TARS1: variants seen among roughly 807,000 people sequenced by gnomAD.
The protein encoded by TARS1 is threonyl-tRNA synthetase 1.
In TARS1, 57 loss-of-function variants were observed where a neutral mutation model predicts 97.7. That is an observed-to-expected ratio of 0.58 (90% CI 0.47 to 0.73). The LOEUF (loss-of-function observed/expected upper bound fraction) is 0.73. Ranked by LOEUF, TARS1 falls within the 30% of genes least tolerant of loss-of-function variation. TARS1 has a pLI of 0.00. For missense variants in TARS1, 806 were observed against 888.3 expected (o/e 0.91, Z 1.18); for synonymous variants, 312 against 293.7 (o/e 1.06, Z -0.64).
chr5:33,447,868 A>G (rs1273003834), intron 2 of TARS1, among the ~76,000 whole-genome samples: 3 of 152,250 alleles, frequency 2.0e-5, no homozygotes, highest in African/African-American at 7.2e-5. Context: ...GAAATGTTCC[A>G]TAGATTATAG....
chr5:33,456,063 A>AT lies in TARS1; in HGVS notation c.756dup (p.Arg253Ter). 6.2e-7 allele frequency: 1 copy of AT among 1,613,648 alleles called. No individual in the cohort carries two copies. Among genetic ancestry groups the AT allele is most frequent in the South Asian group, 1.1e-5 (1 of 91,064 alleles). On this transcript the variant is annotated frameshift_variant, in exon 7 of 19. Coordinates refer to ENST00000265112, the MANE Select transcript of TARS1 (RefSeq NM_152295.5). LOFTEE classifies it high-confidence loss of function. ...GTGAATACTCCAACTACCACAGTCT[A>AT]TAGGTAAGAATATTAGATGTCATTA... is the stretch of plus-strand genomic sequence containing the variant.
intron 4 of TARS1, 23 bp downstream of exon 4, chr5:33,453,435 T>A: frequency 6.2e-7 from 1 of 1,612,456 alleles, no homozygotes; most frequent in Non-Finnish European, 8.5e-7. Context: ...TTAGTATTCA[T>A]TGAATTTTAG....
intron 3 of TARS1, among the ~76,000 whole-genome samples, chr5:33,451,141 C>T (rs1741712029): frequency 6.6e-6 from 1 of 152,064 alleles, no homozygotes; most frequent in Non-Finnish European, 1.5e-5. Flanking sequence ...GGTTGAATTA[C>T]ATAAAACATT....
intron 2 of TARS1, chr5:33,446,633 T>C (rs1364692086): frequency 1.6e-6 from 2 of 1,276,036 alleles, no homozygotes; most frequent in Non-Finnish European, 2.0e-6. Context: ...TATTCATCTC[T>C]GCAATCACAG....
rs563713411 is a variant in TARS1, at chr5:33,451,620, G to A, written c.330-1669G>A. ...GATCTCCTGACCTCGTGATCCACCC[G>A]CCTCGGCCTCCCAAAGTGCTGGGAT... On this transcript the variant is annotated intron_variant, in intron 3 of 18. Transcript: ENST00000265112. 3.9e-5 allele frequency among the ~76,000 whole-genome samples: 6 copies of A among 152,122 alleles called. No homozygotes were observed. In the South Asian group the frequency reaches 8.3e-4, roughly 21 times the overall value.
At chr5:33,455,564 G>T (rs1174617209) in intron 5 of TARS1, 23 bp from the exon 6 acceptor site, 3 of 1,494,526 alleles carry the variant, frequency 2.0e-6, no homozygotes, top group Non-Finnish European at 2.8e-6. Context: ...GGAATGAAAA[G>T]ATTATACTTT....
chr5:33,448,284 AG>A (rs1405595034), intron 2 of TARS1, among the ~76,000 whole-genome samples: 1 of 152,264 alleles, frequency 6.6e-6, no homozygotes, highest in Non-Finnish European at 1.5e-5. Flanking sequence ...ATCTTAAAAG[AG>A]AAAAGACCAC....
chr5:33,441,078 C>G lies in TARS1; in HGVS notation c.-9C>G. 2 of 1,614,182 alleles carry G rather than the reference C, an allele frequency of 1.2e-6. No individual in the cohort carries two copies. The highest frequency in any genetic ancestry group is 2.2e-5 in the South Asian group (2 of 91,086). ...CTTTCGGGTTCTCTCATCGCTTCGT[C>G]GTTCGCCAATGTTTGAGGAGAAGGC... is the stretch of plus-strand genomic sequence containing the variant. On this transcript the variant is annotated 5_prime_UTR_variant, in exon 1 of 19. Transcript: ENST00000265112.
At chr5:33,448,870 A>C (rs1467783581) in intron 3 of TARS1, 139 bp downstream of exon 3, 1 of 662,934 alleles carries the variant, frequency 1.5e-6, no homozygotes, top group African/African-American at 1.9e-5. Flanking sequence ...TGCCTACTTG[A>C]GATTTTTTAA....
chr5:33,467,514 C>T (rs768703123), intron 18 of TARS1, 46 bp from the exon 19 acceptor site: 8 of 1,587,894 alleles, frequency 5.0e-6, no homozygotes, highest in Non-Finnish European at 6.0e-6. Flanking sequence ...TGAATTCTTC[C>T]ATATCTTTAG....
chr5:33,460,794 G>A lies in TARS1; in HGVS notation c.1251-108G>A, dbSNP rs143620620. 4.6e-4 allele frequency: 614 copies of A among 1,320,524 alleles called. 7 individuals carry two copies. In the African/African-American group the frequency reaches 7.6e-3, roughly 16 times the overall value. The allele number at this position is 1,320,524 out of a possible 1,614,324, so 81.8% of individuals were successfully genotyped here. ...AGAATTTGAGAAATGTTGCTTGGAT[G>A]GACAGCTAGAATCAGTGGCTTTTTG... On this transcript the variant is annotated intron_variant, in intron 11 of 18. Transcript: ENST00000265112.
chr5:33,453,190 A>C, intron 3 of TARS1, 99 bp from the exon 4 acceptor site: 2 of 1,293,834 alleles, frequency 1.5e-6, no homozygotes, highest in South Asian at 2.2e-5. Flanking sequence ...ATATAAAAAA[A>C]CAATATATAA....
At chr5:33,460,310 G>A (rs1742231098) in intron 11 of TARS1, among the ~76,000 whole-genome samples, 1 of 152,168 alleles carries the variant, frequency 6.6e-6, no homozygotes. Context: ...ATGGTACTGG[G>A]ATCATAGCAA....
chr5:33,455,516 C>A, intron 5 of TARS1, 71 bp from the exon 6 acceptor site: 3 of 997,578 alleles, frequency 3.0e-6, no homozygotes, highest in South Asian at 3.8e-5. Context: ...ATACTATTTC[C>A]AAATGAACAT....
Position 33,445,368 on chromosome 5 carries a change from GAAC to G in TARS1, c.105_107del (p.Asn35del). On this transcript the variant is annotated inframe_deletion, in exon 2 of 19. Transcript: ENST00000265112. The stretch of plus-strand genomic sequence containing the variant: ...AGCAAAAGGAAGGAGGCAAAAAGAA[GAAC>G]AAAGAAGGATCTGGAGATGGAGGTC... 3 of 1,613,334 alleles carry G rather than the reference GAAC, an allele frequency of 1.9e-6. No homozygotes were observed. The highest frequency in any genetic ancestry group is 2.5e-6 in the Non-Finnish European group (3 of 1,179,520).
At chr5:33,453,959 A>G (rs553795894) in intron 4 of TARS1, among the ~76,000 whole-genome samples, 1 of 152,218 alleles carries the variant, frequency 6.6e-6, no homozygotes, top group South Asian at 2.1e-4. Flanking sequence ...ACCTCAAGTG[A>G]TCTGCCCACC....
intron 13 of TARS1, 63 bp from the exon 14 acceptor site, chr5:33,461,604 A>G: frequency 2.0e-6 from 3 of 1,488,356 alleles, no homozygotes; most frequent in Non-Finnish European, 2.8e-6. Flanking sequence ...TTTAGTCTCA[A>G]ATTAGGCTAA....
In TARS1 at chr5:33,462,148, T is replaced by A; in HGVS notation, c.1780T>A (p.Leu594Met). ...KRPVIVHRAI[L>M]GSVERMIAIL... ...GCCAGTGATTGTTCATCGAGCCATC[T>A]TGGGATCAGTGGAAAGAATGATTGC... The change falls in exon 16 of 19, where the codon TTG becomes ATG. Residue 594 changes from leucine (L) to methionine (M), a missense_variant. Coordinates refer to ENST00000265112, the MANE Select transcript of TARS1 (RefSeq NM_152295.5). 2 of 1,613,298 alleles carry A rather than the reference T, an allele frequency of 1.2e-6. No homozygotes were observed. Among genetic ancestry groups the A allele is most frequent in the Non-Finnish European group, 1.7e-6 (2 of 1,179,916 alleles).
rs761035547 is a variant in TARS1 at position 33,462,101 on chromosome 5, A to T, written c.1733A>T (p.His578Leu). ...PIRFNLTYVS[H>L]DGDDKKRPVI... Reference sequence around the variant, plus strand: ...AACAATTTTTTTTTTCTTTATAGCCATGATGGTGATGATAAGAAAAGGCCA... The same window carrying T: ...AACAATTTTTTTTTTCTTTATAGCCTTGATGGTGATGATAAGAAAAGGCCA... Residue 578 changes from histidine to leucine, a missense_variant and splice_region_variant, in exon 16 of 19, where the codon CAT (histidine) becomes CTT (leucine). His to Leu is a moderately conservative substitution (Grantham distance 99). This residue lies in a region of TARS1 where 446 missense variants were observed against 511.0 expected (regional missense o/e 0.87). Coordinates refer to ENST00000265112, the MANE Select transcript of TARS1 (RefSeq NM_152295.5). 1 of 1,611,522 alleles carries T rather than the reference A, an allele frequency of 6.2e-7. No individual in the cohort carries two copies. The highest frequency in any genetic ancestry group is 1.7e-5 in the Admixed American group (1 of 59,958).
Sources: gnomAD v4.1 joint callset for allele counts (sites outside exome capture counted in the v4.1 genomes callset) on GRCh38, gnomAD v4.1.1 for gene constraint, gnomAD v4.1.1 regional missense constraint, MANE v1.5 for transcripts, NCBI Gene and HGNC (gene_info 2026-07-23, HGNC 2026-07-21) for gene names.